The following HLCS variants were observed in gnomAD, a reference collection of about 807,000 sequenced individuals.
HLCS encodes holocarboxylase synthetase, also known as biotin--protein ligase.
A neutral mutation model predicts 75.0 loss-of-function variants in HLCS; 53 were observed. The ratio of observed to expected loss-of-function variants is 0.71; its 90% CI spans 0.57 to 0.89. The LOEUF is 0.89. Among genes scored for constraint, HLCS ranks in the 40% least tolerant of loss-of-function variants. The pLI is 0.00. For synonymous variants in HLCS, 431 were observed against 428.6 expected (o/e 1.01, Z -0.07); for missense variants, 966 against 1,074.0 (o/e 0.90, Z 1.41).
intron 6 of HLCS, among the ~76,000 whole-genome samples, chr21:36,785,773 G>T (rs1197153562): frequency 6.6e-6 from 1 of 152,152 alleles, no homozygotes; most frequent in Non-Finnish European, 1.5e-5. Context: ...GATCTCTGTG[G>T]AAATGCTCTT....
intron 5 of HLCS, among the ~76,000 whole-genome samples, chr21:36,919,567 A>G (rs1296525702): frequency 6.6e-6 from 1 of 152,218 alleles, no homozygotes; most frequent in Non-Finnish European, 1.5e-5. Context: ...AGTATGGGGC[A>G]AGAGGACATA....
In HLCS at chr21:36,966,615, C is replaced by G; in HGVS notation, c.24G>C (p.Leu8=). ...GGCGACCCCAGCGCGCCCACAGGTA[C>G]AGGTAGCACAGCGTGATGAGCATGG... MLITLCY[L]YLWARWGRRP... is the part of the protein sequence containing the mutation. The change falls in exon 1 of 11, where the codon CTG becomes CTC. Residue 8 remains leucine (L), a synonymous_variant. Coordinates refer to ENST00000674895, the MANE Select transcript of HLCS (RefSeq NM_001352514.2). The G allele has an allele frequency of 2.0e-6, 2 of 985,570 alleles. No homozygotes were observed. The highest frequency in any genetic ancestry group is 2.4e-6 in the Non-Finnish European group (2 of 831,170). The allele number at this position is 985,570 out of a possible 1,614,324, so 61.1% of individuals were successfully genotyped here.
chr21:36,919,395 A>G (rs1345025051), intron 5 of HLCS, among the ~76,000 whole-genome samples: 28 of 152,224 alleles, frequency 1.8e-4, no homozygotes, highest in Admixed American at 1.8e-3. Context: ...TAGGTATCCA[A>G]TTTAACGTTT....
At chr21:36,912,429 T>C (rs1347873783) in intron 5 of HLCS, among the ~76,000 whole-genome samples, 1 of 151,994 alleles carries the variant, frequency 6.6e-6, no homozygotes, top group Non-Finnish European at 1.5e-5. Flanking sequence ...GTATGAAATA[T>C]CCAGAATAGG....
At chr21:36,832,133 G>T (rs941212320) in intron 6 of HLCS, among the ~76,000 whole-genome samples, 8 of 152,208 alleles carry the variant, frequency 5.3e-5, no homozygotes, top group Admixed American at 4.6e-4. Flanking sequence ...AGGCCAGCCG[G>T]GTGGGTTGCG....
chr21:36,868,619 A>G (rs1455356524), intron 6 of HLCS, among the ~76,000 whole-genome samples: 1 of 152,132 alleles, frequency 6.6e-6, no homozygotes, highest in Non-Finnish European at 1.5e-5. Flanking sequence ...ATCTTTCCAT[A>G]AAATATAAAG....
At chr21:36,798,848 T>G (rs2061109584) in intron 6 of HLCS, among the ~76,000 whole-genome samples, 1 of 151,366 alleles carries the variant, frequency 6.6e-6, no homozygotes, top group Non-Finnish European at 1.5e-5. Flanking sequence ...CTGAAGTGTC[T>G]TTTCAAATTT....
rs1191691491 is a variant in HLCS at position 36,888,432 on chromosome 21, T to TAAAAAA, written c.1892+8422_1892+8427dup. ...AATGCGATCCTGCCCCCTTCCCATT[T>TAAAAAA]AAAAAAAAAAAAAATATATATATAT... On this transcript the variant is annotated intron_variant, in intron 6 of 10. Coordinates refer to ENST00000674895, the MANE Select transcript of HLCS (RefSeq NM_001352514.2). Among the ~76,000 whole-genome samples, 27 of 23,774 alleles carry TAAAAAA rather than the reference T, an allele frequency of 1.1e-3. 1 individual carries two copies. Among genetic ancestry groups the TAAAAAA allele is most frequent in the African/African-American group, 1.8e-3 (14 of 7,750 alleles). 15.6% of individuals were successfully genotyped at this position (23,774 alleles called of 152,430 possible).
chr21:36,925,625 G>A (rs1283224448), intron 5 of HLCS, among the ~76,000 whole-genome samples: 1 of 152,104 alleles, frequency 6.6e-6, no homozygotes, highest in Non-Finnish European at 1.5e-5. Context: ...CCACTGGCAG[G>A]CAACTCTGCA....
intron 6 of HLCS, among the ~76,000 whole-genome samples, chr21:36,846,800 T>C (rs1014183224): frequency 4.6e-5 from 7 of 152,196 alleles, no homozygotes; most frequent in African/African-American, 1.7e-4. Flanking sequence ...AAACAACTGC[T>C]AAATCTGAAG....
At chr21:36,876,513 T>C (rs1157981373) in intron 6 of HLCS, among the ~76,000 whole-genome samples, 1 of 152,232 alleles carries the variant, frequency 6.6e-6, no homozygotes, top group Non-Finnish European at 1.5e-5. Flanking sequence ...GCTTGACCAA[T>C]GGACTATTTA....
At chr21:36,902,989 T>A (rs1215164620) in intron 5 of HLCS, among the ~76,000 whole-genome samples, 2 of 152,052 alleles carry the variant, frequency 1.3e-5, no homozygotes, top group African/African-American at 2.4e-5. Context: ...TGAGTGATCC[T>A]GTTGGGGAGG....
intron 5 of HLCS, among the ~76,000 whole-genome samples, chr21:36,928,216 T>C (rs1337484289): frequency 1.3e-5 from 2 of 152,154 alleles, no homozygotes; most frequent in East Asian, 3.8e-4. Context: ...GAAAACATCA[T>C]ATAAAACCTT....
At chr21:36,970,588 C>T (rs552157383), upstream of HLCS, among the ~76,000 whole-genome samples, 3 of 152,130 alleles carry the variant, frequency 2.0e-5, no homozygotes, top group Non-Finnish European at 2.9e-5. Flanking sequence ...AGGCTTGTCT[C>T]GAACTCCTGG....
intron 6 of HLCS, among the ~76,000 whole-genome samples, chr21:36,783,604 C>T (rs538543762): frequency 5.3e-5 from 8 of 152,264 alleles, no homozygotes; most frequent in South Asian, 2.1e-4. Context: ...AACTGGCATT[C>T]GGACACAAAG....
intron 6 of HLCS, among the ~76,000 whole-genome samples, chr21:36,834,242 T>C (rs1051119872): frequency 3.3e-5 from 5 of 151,122 alleles, no homozygotes; most frequent in African/African-American, 1.2e-4. Context: ...CTCACCTAAG[T>C]TCTACACACT....
At chr21:36,957,174 G>C (rs1311423590) in intron 2 of HLCS, among the ~76,000 whole-genome samples, 1 of 152,096 alleles carries the variant, frequency 6.6e-6, no homozygotes, top group East Asian at 1.9e-4. Flanking sequence ...TGGGGGAAGT[G>C]TTTGGGTAAT....
intron 6 of HLCS, among the ~76,000 whole-genome samples, chr21:36,888,486 ATATATATATATT>A (rs1213986203): frequency 1.1e-3 from 93 of 82,890 alleles, no homozygotes; most frequent in East Asian, 3.4e-3. Context: ...ATATATATAT[ATATATATATATT>A]TATTTATTTA....
In HLCS at chr21:36,937,319, C is replaced by A. The variant is rs61732504; in HGVS notation, c.567G>T (p.Glu189Asp). 22,836 of 1,614,022 alleles carry A rather than the reference C, an allele frequency of 0.014. 637 individuals are homozygous for A. Among genetic ancestry groups the A allele is most frequent in the African/African-American group, 0.11 (8,104 of 74,976 alleles). The change falls in exon 4 of 11, where the codon GAG becomes GAT. Residue 189 changes from glutamate (E) to aspartate (D), a missense_variant. By Grantham distance (45) the Glu-to-Asp change is conservative. Transcript: ENST00000674895. ...QVSNKQAQILEPKPEPSLEIK... is the reference protein window; with the variant it reads ...QVSNKQAQILDPKPEPSLEIK... ...TCTCAAGAGAAGGTTCAGGCTTCGGCTCTAGGATCTGGGCTTGCTTGTTTG... is the reference window on the plus strand; with the variant it reads ...TCTCAAGAGAAGGTTCAGGCTTCGGATCTAGGATCTGGGCTTGCTTGTTTG...
Sources: allele counts gnomAD v4.1 joint callset (sites outside exome capture counted in the v4.1 genomes callset), GRCh38; gene constraint gnomAD v4.1.1; transcripts MANE v1.5; gene names NCBI Gene and HGNC (gene_info 2026-07-23, HGNC 2026-07-21).